BYSL: variants seen among roughly 807,000 people sequenced by gnomAD.
The protein encoded by BYSL is bystin.
BYSL carries 21 observed loss-of-function variants against 45.4 expected under a neutral mutation model. The observed-to-expected ratio is 0.46, with a 90% CI of 0.33 to 0.67. The LOEUF (loss-of-function observed/expected upper bound fraction) is 0.67. BYSL is among the 30% of genes least tolerant of loss of function. The pLI, the probability that BYSL is intolerant of heterozygous loss-of-function variation, is 0.02. For synonymous variants in BYSL, 215 were observed against 231.3 expected (o/e 0.93, Z 0.64); for missense variants, 522 against 578.5 (o/e 0.90, Z 1.00).
At position 41,932,739 on chromosome 6, in the gene BYSL, T is replaced by C; in HGVS notation, c.*33T>C. The C allele has an allele frequency of 6.4e-7, 1 of 1,572,164 alleles. No individual in the cohort carries two copies. Among genetic ancestry groups the C allele is most frequent in the Middle Eastern group, 1.7e-4 (1 of 5,790 alleles). The stretch of plus-strand genomic sequence containing the variant: ...AGTCAGCTGTCCTGGCCAAAGGGGT[T>C]TGGAAGGACACCAAGACCCCCGTTG... On this transcript the variant is annotated 3_prime_UTR_variant, in exon 7 of 7. Coordinates refer to ENST00000230340, the MANE Select transcript of BYSL (RefSeq NM_004053.4). The surrounding 1 kb of genome is among the most constrained non-coding windows in gnomAD (Gnocchi z 4.7).
chr6:41,925,436 T>C (rs1398618305), intron 1 of BYSL, among the ~76,000 whole-genome samples: 2 of 151,322 alleles, frequency 1.3e-5, no homozygotes, highest in Non-Finnish European at 2.9e-5. Flanking sequence ...CGATCTTGGC[T>C]CACTGCAAGC....
At chr6:41,930,335 C>CT in intron 3 of BYSL, 65 bp downstream of exon 3, 3 of 1,562,788 alleles carry the variant, frequency 1.9e-6, no homozygotes, top group East Asian at 2.3e-5. Context: ...CTGCCACAGG[C>CT]TTTTTTGCCT....
chr6:41,931,593 G>A lies in BYSL; in HGVS notation c.865+37G>A, dbSNP rs375525950. On this transcript the variant is annotated intron_variant, in intron 5 of 6. Transcript: ENST00000230340. ...GAGGCACGGAAGAAAGGGAAGGGCTGGAGCTTCTATGGGGAACACAGCAGG... is the reference window on the plus strand; with the variant it reads ...GAGGCACGGAAGAAAGGGAAGGGCTAGAGCTTCTATGGGGAACACAGCAGG... The A allele has an allele frequency of 2.4e-4, 389 of 1,613,834 alleles. 1 individual carries two copies. The highest frequency in any genetic ancestry group is 2.9e-4 in the Non-Finnish European group (337 of 1,179,852).
At position 41,931,440 on chromosome 6, in the gene BYSL, A is replaced by G; in HGVS notation, c.749A>G (p.Tyr250Cys). The G allele has an allele frequency of 6.2e-7, 1 of 1,614,190 alleles. No individual in the cohort carries two copies. ...NLKERMAQRF[Y>C]NLVLLPRVRD... Reference sequence around the variant, plus strand: ...AAGGAACGCATGGCCCAGCGCTTCTACAACCTTGTCCTGCTCCCTCGAGTA... The same window carrying G: ...AAGGAACGCATGGCCCAGCGCTTCTGCAACCTTGTCCTGCTCCCTCGAGTA... Residue 250 changes from tyrosine to cysteine, a missense_variant, in exon 5 of 7, where the codon TAC (tyrosine) becomes TGC (cysteine). Transcript: ENST00000230340.
chr6:41,932,947 T>G lies in BYSL; in HGVS notation c.*241T>G. Reference sequence around the variant, plus strand: ...AGAGCCAACTTGAGATACCATATGCTAGCATTCCCAGTCCCCAGCTGGGGC... The same window carrying G: ...AGAGCCAACTTGAGATACCATATGCGAGCATTCCCAGTCCCCAGCTGGGGC... On this transcript the variant is annotated 3_prime_UTR_variant, in exon 7 of 7. Transcript: ENST00000230340. This position sits in a 1 kb window ranked among gnomAD's most constrained non-coding sequence, Gnocchi z 4.7. 3 of 513,246 alleles carry G rather than the reference T, an allele frequency of 5.8e-6. No homozygotes were observed. The highest frequency in any genetic ancestry group is 1.0e-5 in the Non-Finnish European group (3 of 287,932). 31.8% of individuals were successfully genotyped at this position (513,246 alleles called of 1,614,324 possible).
At chr6:41,921,174 A>C, upstream of BYSL, 1 of 948,376 alleles carries the variant, frequency 1.1e-6, no homozygotes. Flanking sequence ...GCCTTCCCCA[A>C]GGAATGGGGC....
upstream of BYSL, chr6:41,920,799 C>T (rs893319529): frequency 5.8e-6 from 3 of 514,048 alleles, no homozygotes; most frequent in Middle Eastern, 5.3e-4. Context: ...AAAAAAAAAA[C>T]CTTTGCTTTC....
At chr6:41,915,171 T>C in the BYSL span, among the ~76,000 whole-genome samples, 5 of 152,146 alleles carry the variant, frequency 3.3e-5, no homozygotes, top group East Asian at 1.9e-4. Context: ...TGGTGGCTCA[T>C]GCCTGTCATC....
upstream of BYSL, chr6:41,917,969 G>A (rs1039095306): frequency 5.4e-5 from 15 of 278,448 alleles, no homozygotes; most frequent in Admixed American, 5.3e-4. Flanking sequence ...TTGGGAATGA[G>A]AGGCAACAGT....
chr6:41,921,129 T>G, upstream of BYSL: 1 of 1,419,150 alleles, frequency 7.0e-7, no homozygotes, highest in South Asian at 1.3e-5. Context: ...CAGAAGGGAC[T>G]CCGGAAATAC....
chr6:41,921,468 C>T (rs552278713), upstream of BYSL: 27 of 1,450,100 alleles, frequency 1.9e-5, no homozygotes, highest in South Asian at 3.6e-4. Flanking sequence ...GATCGCCGGG[C>T]GGCCTCTTGG....
Position 41,924,994 on chromosome 6 carries a change from G to A in BYSL, c.269-2380G>A, listed in dbSNP as rs80100942. Among the ~76,000 whole-genome samples, 361 of 152,286 alleles carry A rather than the reference G, an allele frequency of 2.4e-3. 4 individuals are homozygous for A. In the East Asian group the frequency reaches 0.045, roughly 19 times the overall value. On this transcript the variant is annotated intron_variant, in intron 1 of 6. Transcript: ENST00000230340. ...CTCCCAGGCTTAGCATTGGGTGGAC[G>A]ATGGTGCCGTTTACTGAGCTGTGGA...
At chr6:41,922,957 GTC>G (rs1392897125) in intron 1 of BYSL, among the ~76,000 whole-genome samples, 2 of 151,592 alleles carry the variant, frequency 1.3e-5, no homozygotes, top group African/African-American at 4.9e-5. Context: ...TCCTCTCTCT[GTC>G]TCTCCCTCCC....
the BYSL span, among the ~76,000 whole-genome samples, chr6:41,913,878 A>C: frequency 6.6e-6 from 1 of 152,194 alleles, no homozygotes; most frequent in Admixed American, 6.5e-5. Flanking sequence ...AGCCTGGGCA[A>C]CAAGAACAAA....
At position 41,930,280 on chromosome 6, in the gene BYSL, G is replaced by A; in HGVS notation, c.570+10G>A. On this transcript the variant is annotated intron_variant, in intron 3 of 6. Coordinates refer to ENST00000230340, the MANE Select transcript of BYSL (RefSeq NM_004053.4). ...CAGGGGGGTCCGGGAGGTAAGAGCT[G>A]AGAGGGGAGCCATGGTGGAAGACCC... The A allele has an allele frequency of 6.2e-7, 1 of 1,612,606 alleles. No individual in the cohort carries two copies. Among genetic ancestry groups the A allele is most frequent in the Non-Finnish European group, 8.5e-7 (1 of 1,179,006 alleles).
At chr6:41,914,975 G>A in the BYSL span, among the ~76,000 whole-genome samples, 4 of 152,162 alleles carry the variant, frequency 2.6e-5, no homozygotes, top group Non-Finnish European at 5.9e-5. Context: ...AGGATTGTCT[G>A]GATTGTTAAA....
upstream of BYSL, chr6:41,921,437 CCGAA>C (rs1267758782): frequency 7.3e-7 from 1 of 1,365,804 alleles, no homozygotes; most frequent in Non-Finnish European, 9.7e-7. Flanking sequence ...CTTCTGGCCT[CCGAA>C]TGCTAGGGGG....
chr6:41,932,648 G>T lies in BYSL; in HGVS notation c.1256G>T (p.Arg419Leu). The T allele has an allele frequency of 1.2e-6, 2 of 1,614,190 alleles. No individual in the cohort carries two copies. Among genetic ancestry groups the T allele is most frequent in the African/African-American group, 1.3e-5 (1 of 75,052 alleles). The stretch of plus-strand genomic sequence containing the variant: ...CCACAGCTATCGCCCGAAATCAGGC[G>T]TGAGCTTCAGAGTGCAGTCCCCCGC... ...PHPQLSPEIRRELQSAVPRDV... is the reference protein window; with the variant it reads ...PHPQLSPEIRLELQSAVPRDV... The change falls in exon 7 of 7, where the codon CGT becomes CTT. Residue 419 changes from arginine (R) to leucine (L), a missense_variant. Arg to Leu is a moderately radical substitution (Grantham distance 102). Transcript: ENST00000230340. The surrounding 1 kb of genome is among the most constrained non-coding windows in gnomAD (Gnocchi z 4.7).
rs746176170 is a variant in BYSL at position 41,931,386 on chromosome 6, C to T, written c.705-10C>T. ...TGAGTTGGAAACTTCCCCCGCTTAA[C>T]TCCCACTAGGATTTTTGCCTCTAAC... is the stretch of plus-strand genomic sequence containing the variant. On this transcript the variant is annotated splice_polypyrimidine_tract_variant and intron_variant, in intron 4 of 6. Coordinates refer to ENST00000230340, the MANE Select transcript of BYSL (RefSeq NM_004053.4). The T allele has an allele frequency of 1.4e-4, 224 of 1,613,970 alleles. 1 individual carries two copies. The highest frequency in any genetic ancestry group is 3.3e-4 in the Admixed American group (20 of 60,002).
Sources: allele counts gnomAD v4.1 joint callset (sites outside exome capture counted in the v4.1 genomes callset), GRCh38; gene constraint gnomAD v4.1.1; non-coding constraint Gnocchi (gnomAD v3.1); transcripts MANE v1.5; gene names NCBI Gene and HGNC (gene_info 2026-07-23, HGNC 2026-07-21).